ALOX12B: variants seen among roughly 807,000 people sequenced by gnomAD.
ALOX12B encodes the protein arachidonate 12-lipoxygenase, 12R-type.
Under a neutral mutation model 78.9 loss-of-function variants are expected in ALOX12B, and 47 were observed. That is an observed-to-expected ratio of 0.60 (90% CI 0.47 to 0.76). The LOEUF is 0.76. ALOX12B is among the 30% of genes least tolerant of loss of function. The pLI, the probability that ALOX12B is intolerant of heterozygous loss-of-function variation, is 0.00. For synonymous variants in ALOX12B, 370 were observed against 374.5 expected (o/e 0.99, Z 0.14); for missense variants, 805 against 922.6 (o/e 0.87, Z 1.65).
At position 8,077,139 on chromosome 17, in the gene ALOX12B, A is replaced by G. The variant is rs752051700; in HGVS notation, c.1126T>C (p.Trp376Arg). 3.1e-6 allele frequency: 5 copies of G among 1,613,550 alleles called. No individual in the cohort carries two copies. In the Admixed American group the frequency reaches 8.3e-5, roughly 27 times the overall value. The change falls in exon 9 of 15, where the codon TGG (tryptophan) becomes CGG (arginine). Residue 376 changes from tryptophan (W) to arginine (R), a missense_variant. Trp to Arg is a moderately radical substitution (Grantham distance 101, BLOSUM62 -3). Transcript: ENST00000647874. ...CACGTCTTGGCTAGCAGCCAGTCCC[A>G]CTCAGAATCACTGGGCAGGAAGATG... is the stretch of plus-strand genomic sequence containing the variant. ...CPIFLPSDSEWDWLLAKTWVR... is the reference protein window; with the variant it reads ...CPIFLPSDSERDWLLAKTWVR...
rs369593974 is a variant in ALOX12B, at chr17:8,077,051, A to G, written c.1214T>C (p.Ile405Thr). 6.2e-6 allele frequency: 10 copies of G among 1,613,952 alleles called. No homozygotes were observed. In the African/African-American group the frequency reaches 1.1e-4, roughly 17 times the overall value. The change falls in exon 9 of 15, where the codon ATT (isoleucine) becomes ACT (threonine). Residue 405 changes from isoleucine (I) to threonine (T), a missense_variant. Physicochemically the swap from Ile to Thr is moderately conservative, Grantham distance 89. Coordinates refer to ENST00000647874, the MANE Select transcript of ALOX12B (RefSeq NM_001139.3). ...CAAGGCCAGGCAGAAGGCCTCAGCA[A>G]TGAGGTGTGTCTCCAGCAGGTGGGC... ...AIAHLLETHLIAEAFCLALLR... is the reference protein window; with the variant it reads ...AIAHLLETHLTAEAFCLALLR...
chr17:8,083,608 A>G (rs1172168047), intron 2 of ALOX12B, among the ~76,000 whole-genome samples: 1 of 152,188 alleles, frequency 6.6e-6, no homozygotes, highest in African/African-American at 2.4e-5. Flanking sequence ...GCATGCCTGT[A>G]ATCCCAGCTA....
Position 8,072,705 on chromosome 17 carries a change from G to T in ALOX12B, c.*66C>A. The T allele has an allele frequency of 2.5e-6, 4 of 1,597,792 alleles. No homozygotes were observed. In the South Asian group the frequency reaches 3.3e-5, roughly 13 times the overall value. On this transcript the variant is annotated 3_prime_UTR_variant, in exon 15 of 15. Coordinates refer to ENST00000647874, the MANE Select transcript of ALOX12B (RefSeq NM_001139.3). Reference sequence around the variant, plus strand: ...TCTGAGGTTTTTGTGTTTTTTGCTTGTTTGTTTTGTTTTGTTGAAAATAGT... The same window carrying T: ...TCTGAGGTTTTTGTGTTTTTTGCTTTTTTGTTTTGTTTTGTTGAAAATAGT...
chr17:8,083,588 G>A (rs1358664939), intron 2 of ALOX12B, among the ~76,000 whole-genome samples: 1 of 152,138 alleles, frequency 6.6e-6, no homozygotes, highest in Non-Finnish European at 1.5e-5. Context: ...AATTAGCTGG[G>A]TGTGGTGTTG....
Position 8,079,814 on chromosome 17 carries a change from C to T in ALOX12B, c.882G>A (p.Val294=). The T allele has an allele frequency of 6.2e-7, 1 of 1,613,496 alleles. No homozygotes were observed. Among genetic ancestry groups the T allele is most frequent in the Non-Finnish European group, 8.5e-7 (1 of 1,179,956 alleles). The change falls in exon 7 of 15, where the codon GTG becomes GTA. Residue 294 remains valine (V), a synonymous_variant. Transcript: ENST00000647874. This position sits in a 1 kb window ranked among gnomAD's most constrained non-coding sequence, Gnocchi z 6.4. ...ACGTTCCCTCGCCCAGGAACGGAGC[C>T]ACCATGTCGTCTGTGACGGGGAACT... ...PDKFPVTDDM[V]APFLGEGTCL...
At chr17:8,077,239 C>T (rs956236393) in intron 8 of ALOX12B, 46 bp from the exon 9 acceptor site, 4 of 1,560,642 alleles carry the variant, frequency 2.6e-6, no homozygotes, top group African/African-American at 2.7e-5. Context: ...CAGAGACCCA[C>T]ACACATAAAG....
intron 8 of ALOX12B, among the ~76,000 whole-genome samples, chr17:8,078,097 A>AT (rs1977124784): frequency 6.6e-6 from 1 of 151,852 alleles, no homozygotes; most frequent in Non-Finnish European, 1.5e-5. Flanking sequence ...AAATCCAGAA[A>AT]GGATCTATTT....
chr17:8,081,853 G>A (rs8070126), intron 2 of ALOX12B, among the ~76,000 whole-genome samples: 15,447 of 152,108 alleles, frequency 0.1, 2,461 homozygotes, highest in African/African-American at 0.34. Flanking sequence ...ATGTTGTCCA[G>A]GGTGGTCTCG....
intron 8 of ALOX12B, among the ~76,000 whole-genome samples, 193 bp from the exon 9 acceptor site, chr17:8,077,386 C>T (rs1436286046): frequency 1.3e-5 from 2 of 152,226 alleles, no homozygotes; most frequent in Non-Finnish European, 2.9e-5. Context: ...TTCTGCTCAA[C>T]TGCAGTACCT....
At chr17:8,076,849 T>C in intron 9 of ALOX12B, 106 bp from the exon 10 acceptor site, 1 of 1,450,652 alleles carries the variant, frequency 6.9e-7, no homozygotes, top group Non-Finnish European at 9.4e-7. Context: ...GGGAAGTCCC[T>C]ATGCCAAGCC....
At chr17:8,076,384 C>T (rs756364364) in intron 10 of ALOX12B, 40 bp from the exon 11 acceptor site, 20 of 1,557,186 alleles carry the variant, frequency 1.3e-5, no homozygotes, top group Non-Finnish European at 1.7e-5. Flanking sequence ...GGACAGGCAT[C>T]CCTGGAACCC....
chr17:8,075,841 G>T (rs767322072), intron 11 of ALOX12B, 125 bp from the exon 12 acceptor site: 5 of 1,499,342 alleles, frequency 3.3e-6, no homozygotes, highest in Non-Finnish European at 4.6e-6. Context: ...GCCTGTGGGA[G>T]GGCAAGTCCT....
chr17:8,075,077 C>T (rs566066983), intron 12 of ALOX12B, among the ~76,000 whole-genome samples: 11 of 149,322 alleles, frequency 7.4e-5, no homozygotes, highest in African/African-American at 2.7e-4. Context: ...CCACCCCAGA[C>T]TGTGAACTCC....
rs201787682 is a variant in ALOX12B, at chr17:8,080,188, A to G, written c.754+47T>C. ...GTCGGGGGCCTGCCTAGCACGCCGG[A>G]GACCGCCTGGCTCCCCCTGCTCGAT... is the stretch of plus-strand genomic sequence containing the variant. On this transcript the variant is annotated intron_variant, in intron 6 of 14. Coordinates refer to ENST00000647874, the MANE Select transcript of ALOX12B (RefSeq NM_001139.3). This position sits in a 1 kb window ranked among gnomAD's most constrained non-coding sequence, Gnocchi z 4.8. The G allele has an allele frequency of 4.8e-4, 764 of 1,597,300 alleles. 11 individuals are homozygous for G. The highest frequency in any genetic ancestry group is 3.8e-3 in the South Asian group (349 of 90,734).
intron 10 of ALOX12B, 41 bp from the exon 11 acceptor site, chr17:8,076,385 C>G (rs778014855): frequency 2.1e-5 from 33 of 1,557,312 alleles, no homozygotes; most frequent in Non-Finnish European, 2.9e-5. Context: ...GACAGGCATC[C>G]CTGGAACCCC....
In ALOX12B at chr17:8,073,289, G is replaced by A. The variant is rs755951693; in HGVS notation, c.1785C>T (p.Phe595=). The A allele has an allele frequency of 6.2e-7, 1 of 1,614,190 alleles. No individual in the cohort carries two copies. ...TCGGTGGATTCCGCATGGACGCTGG[G>A]AAGTTGGGCATCCAGGCGGTGAACT... ...QMEFTAWMPN[F]PASMRNPPIQ... The change falls in exon 14 of 15, where the codon TTC becomes TTT. Residue 595 remains phenylalanine (F), a synonymous_variant. Transcript: ENST00000647874.
rs201251213 is a variant in ALOX12B, at chr17:8,087,404, G to T, written c.39C>A (p.Asp13Glu). The T allele has an allele frequency of 5.0e-6, 8 of 1,614,130 alleles. No individual in the cohort carries two copies. Among genetic ancestry groups the T allele is most frequent in the African/African-American group, 2.7e-5 (2 of 74,950 alleles). Residue 13 changes from aspartate to glutamate, a missense_variant, in exon 1 of 15, where the codon GAC (aspartate) becomes GAA (glutamate). Coordinates refer to ENST00000647874, the MANE Select transcript of ALOX12B (RefSeq NM_001139.3). ...TGGAGTCCCGTGTTCCCGACAAGAG[G>T]TCGGTGCCTGTGGCCACCCTGACTT... ...TYKVRVATGT[D>E]LLSGTRDSIS...
chr17:8,076,245 G>C lies in ALOX12B; in HGVS notation c.1462C>G (p.Arg488Gly). The change falls in exon 11 of 15, where the codon CGT becomes GGT. Residue 488 changes from arginine (R) to glycine (G), a missense_variant. Transcript: ENST00000647874. ...SLYLPNDFVE[R>G]GVQDLPGYYY... Reference sequence around the variant, plus strand: ...TATCCAGGCAGGTCCTGGACCCCACGCTCCACAAAGTCATTGGGGAGGTAG... The same window carrying C: ...TATCCAGGCAGGTCCTGGACCCCACCCTCCACAAAGTCATTGGGGAGGTAG... 6.2e-7 allele frequency: 1 copy of C among 1,614,110 alleles called. No homozygotes were observed. Among genetic ancestry groups the C allele is most frequent in the Non-Finnish European group, 8.5e-7 (1 of 1,180,018 alleles).
chr17:8,079,886 G>T lies in ALOX12B; in HGVS notation c.810C>A (p.Asn270Lys). The T allele has an allele frequency of 6.2e-7, 1 of 1,613,358 alleles. No homozygotes were observed. The highest frequency in any genetic ancestry group is 8.5e-7 in the Non-Finnish European group (1 of 1,179,894). ...GGCGGATCAGGCCGGGGTTGACGCC[G>T]TTGAGGTACTGGTACCCAAAGAAGG... ...EDTFFGYQYL[N>K]GVNPGLIRRC... The change falls in exon 7 of 15, where the codon AAC becomes AAA. Residue 270 changes from asparagine (N) to lysine (K), a missense_variant. By Grantham distance (94) the Asn-to-Lys change is moderately conservative. Coordinates refer to ENST00000647874, the MANE Select transcript of ALOX12B (RefSeq NM_001139.3). The surrounding 1 kb of genome is among the most constrained non-coding windows in gnomAD (Gnocchi z 6.4).
Sources: allele counts gnomAD v4.1 joint callset (sites outside exome capture counted in the v4.1 genomes callset), GRCh38; gene constraint gnomAD v4.1.1; non-coding constraint Gnocchi (gnomAD v3.1); transcripts MANE v1.5; gene names NCBI Gene and HGNC (gene_info 2026-07-23, HGNC 2026-07-21).